The following KCNIP4 variants were observed in gnomAD, a reference collection of about 807,000 sequenced individuals.
KCNIP4 encodes potassium voltage-gated channel interacting protein 4, also known as Kv channel-interacting protein 4.
KCNIP4 carries 12 observed loss-of-function variants against 34.0 expected under a neutral mutation model. The observed-to-expected ratio is 0.35, with a 90% CI of 0.23 to 0.57. The LOEUF is 0.57. KCNIP4 is among the 20% of genes least tolerant of loss of function. The probability of loss-of-function intolerance (pLI) is 0.83; values close to 1 mark genes in which losing one functional copy is unlikely to be tolerated. For missense variants in KCNIP4, 238 were observed against 311.7 expected (o/e 0.76, Z 1.78); for synonymous variants, 124 against 102.2 (o/e 1.21, Z -1.29).
At chr4:21,301,065 A>G (rs1476435179) in intron 1 of KCNIP4, among the ~76,000 whole-genome samples, 1 of 152,168 alleles carries the variant, frequency 6.6e-6, no homozygotes, top group Non-Finnish European at 1.5e-5. Flanking sequence ...TTATAAACAT[A>G]TGACATGGAT....
At chr4:21,127,060 A>G (rs1027979845) in intron 1 of KCNIP4, among the ~76,000 whole-genome samples, 2 of 152,020 alleles carry the variant, frequency 1.3e-5, no homozygotes, top group Non-Finnish European at 2.9e-5. Flanking sequence ...GGACCTTTGC[A>G]TTTGCTATTC....
At chr4:21,546,254 G>A (rs1444784823) in intron 1 of KCNIP4, among the ~76,000 whole-genome samples, 1 of 152,070 alleles carries the variant, frequency 6.6e-6, no homozygotes, top group Non-Finnish European at 1.5e-5. Flanking sequence ...TTTTGCAAGG[G>A]TGAGGGGTTA....
At chr4:21,858,301 G>A (rs570561701) in intron 1 of KCNIP4, among the ~76,000 whole-genome samples, 14 of 152,172 alleles carry the variant, frequency 9.2e-5, no homozygotes, top group Non-Finnish European at 1.5e-4. Flanking sequence ...GTTTTGTCAC[G>A]GTCACTTCTA....
At chr4:21,242,328 T>C (rs529459713) in intron 1 of KCNIP4, among the ~76,000 whole-genome samples, 3 of 152,272 alleles carry the variant, frequency 2.0e-5, no homozygotes, top group African/African-American at 7.2e-5. Flanking sequence ...AAATCTTTGC[T>C]ATCTGTAAAC....
chr4:21,395,579 A>G (rs1722915562), intron 1 of KCNIP4, among the ~76,000 whole-genome samples: 2 of 152,086 alleles, frequency 1.3e-5, no homozygotes, highest in South Asian at 4.1e-4. Flanking sequence ...TAGTTCACAG[A>G]CCTCAGAGAG....
intron 1 of KCNIP4, among the ~76,000 whole-genome samples, chr4:21,393,368 T>C (rs1722718155): frequency 6.6e-6 from 1 of 152,116 alleles, no homozygotes; most frequent in Non-Finnish European, 1.5e-5. Flanking sequence ...TGTAACAAAG[T>C]TCACATTGTG....
chr4:21,461,029 G>A (rs1281777467), intron 1 of KCNIP4, among the ~76,000 whole-genome samples: 1 of 152,090 alleles, frequency 6.6e-6, no homozygotes, highest in Non-Finnish European at 1.5e-5. Flanking sequence ...TAGTCATATG[G>A]TTTGGCTCTG....
intron 1 of KCNIP4, among the ~76,000 whole-genome samples, chr4:21,703,523 A>ATAT (rs1713027688): frequency 6.6e-6 from 1 of 152,142 alleles, no homozygotes; most frequent in Non-Finnish European, 1.5e-5. Context: ...TTTCTAGTAT[A>ATAT]AATTAGTGTC....
At chr4:21,209,021 C>A (rs1378388428) in intron 1 of KCNIP4, among the ~76,000 whole-genome samples, 2 of 152,140 alleles carry the variant, frequency 1.3e-5, no homozygotes, top group Non-Finnish European at 2.9e-5. Flanking sequence ...CTGGTCCCAT[C>A]CTTGACACTC....
intron 1 of KCNIP4, among the ~76,000 whole-genome samples, chr4:21,199,139 A>G (rs1285737017): frequency 2.0e-5 from 3 of 152,334 alleles, no homozygotes; most frequent in East Asian, 3.9e-4. Context: ...ATCCTTGAGG[A>G]ATCGCCACAC....
rs1325307691 is a variant in KCNIP4 at position 21,745,905 on chromosome 4, TG to T, written c.61+202665del. On this transcript the variant is annotated intron_variant, in intron 1 of 8. Transcript: ENST00000382152. ...TAATAAATAAATAGGTAAAAAACAG[TG>T]TTTTTGTTTGCTATGATGCCATAAC... Among the ~76,000 whole-genome samples, 18 of 152,290 alleles carry T rather than the reference TG, an allele frequency of 1.2e-4. 1 individual carries two copies. Among genetic ancestry groups the T allele is most frequent in the South Asian group, 4.1e-4 (2 of 4,822 alleles).
chr4:21,169,730 G>A (rs981288978), intron 1 of KCNIP4, among the ~76,000 whole-genome samples: 2 of 145,014 alleles, frequency 1.4e-5, no homozygotes, highest in Non-Finnish European at 3.0e-5. Flanking sequence ...CTCTCCTTAG[G>A]CTTCTGATAT....
At chr4:20,808,802 T>C (rs530330202) in intron 3 of KCNIP4, among the ~76,000 whole-genome samples, 2 of 152,284 alleles carry the variant, frequency 1.3e-5, no homozygotes, top group Admixed American at 6.5e-5. Flanking sequence ...TAAGATGAAC[T>C]AGTTAAGACA....
intron 2 of KCNIP4, among the ~76,000 whole-genome samples, chr4:20,867,467 ACTAT>A (rs1167617604): frequency 6.6e-6 from 1 of 152,050 alleles, no homozygotes; most frequent in African/African-American, 2.4e-5. Context: ...TAACTGGCTA[ACTAT>A]ACACAGAAGA....
chr4:21,894,617 A>G (rs1007719140), intron 1 of KCNIP4, among the ~76,000 whole-genome samples: 2 of 152,206 alleles, frequency 1.3e-5, no homozygotes, highest in African/African-American at 4.8e-5. Context: ...GCAGAGAATT[A>G]TAGAATATTC....
At chr4:21,001,144 C>G (rs925558976) in intron 1 of KCNIP4, among the ~76,000 whole-genome samples, 5 of 152,258 alleles carry the variant, frequency 3.3e-5, no homozygotes, top group Non-Finnish European at 4.4e-5. Context: ...GCTGAAATAT[C>G]TACCGAAAGC....
At chr4:21,519,923 T>C (rs1735379716) in intron 1 of KCNIP4, among the ~76,000 whole-genome samples, 1 of 150,386 alleles carries the variant, frequency 6.6e-6, no homozygotes, top group South Asian at 2.1e-4. Flanking sequence ...TAGTTAAGTA[T>C]TAGCTGATCA....
intron 1 of KCNIP4, among the ~76,000 whole-genome samples, chr4:21,521,897 T>A (rs1433442317): frequency 6.6e-6 from 1 of 151,708 alleles, no homozygotes; most frequent in East Asian, 1.9e-4. Context: ...TACAAAAGCA[T>A]CCTCATCCAT....
intron 1 of KCNIP4, among the ~76,000 whole-genome samples, chr4:21,117,058 C>T (rs905464785): frequency 7.2e-5 from 11 of 152,116 alleles, no homozygotes; most frequent in Non-Finnish European, 1.2e-4. Context: ...CTAATTCTCT[C>T]CAAACCCCTT....
Sources: gnomAD v4.1 joint callset for allele counts (sites outside exome capture counted in the v4.1 genomes callset) on GRCh38, gnomAD v4.1.1 for gene constraint, MANE v1.5 for transcripts, NCBI Gene and HGNC (gene_info 2026-07-23, HGNC 2026-07-21) for gene names.